The following ADCY4 variants were observed in gnomAD, a reference collection of about 807,000 sequenced individuals.
ADCY4 encodes the protein adenylate cyclase type 4.
In ADCY4, 111 loss-of-function variants were observed where a neutral mutation model predicts 125.5. The ratio of observed to expected loss-of-function variants is 0.88; its 90% confidence interval spans 0.76 to 1.04. The LOEUF (loss-of-function observed/expected upper bound fraction) is 1.04. Among genes scored for constraint, ADCY4 ranks in the 50% least tolerant of loss-of-function variants. The probability of loss-of-function intolerance (pLI) is 0.00; values close to 1 mark genes in which losing one functional copy is unlikely to be tolerated. For synonymous variants in ADCY4, 576 were observed against 586.9 expected (o/e 0.98, Z 0.27); for missense variants, 1,256 against 1,382.9 (o/e 0.91, Z 1.46).
chr14:24,334,112 T>G (rs2042094655), intron 1 of ADCY4, among the ~76,000 whole-genome samples: 1 of 152,212 alleles, frequency 6.6e-6, no homozygotes, highest in African/African-American at 2.4e-5. Context: ...TCTGGGAGTC[T>G]GTGGGTACAA....
At chr14:24,320,629 A>T (rs1295757159) in intron 20 of ADCY4, among the ~76,000 whole-genome samples, 1 of 152,242 alleles carries the variant, frequency 6.6e-6, no homozygotes, top group Non-Finnish European at 1.5e-5. Context: ...GGGCCAGCAG[A>T]TGATACAAAT....
At chr14:24,325,334 C>T (rs373477958) in intron 14 of ADCY4, 43 bp downstream of exon 14, 257 of 1,560,406 alleles carry the variant, frequency 1.6e-4, no homozygotes, top group South Asian at 1.7e-4. Flanking sequence ...CAAGGTGATC[C>T]GCTTATGACA....
rs1785200407 is a variant in ADCY4 at position 24,332,937 on chromosome 14, C to T, written c.211G>A (p.Gly71Ser). The T allele has an allele frequency of 1.3e-6, 2 of 1,593,610 alleles. No individual in the cohort carries two copies. Among genetic ancestry groups the T allele is most frequent in the Non-Finnish European group, 1.7e-6 (2 of 1,168,688 alleles). Residue 71 changes from glycine (G) to serine (S), a missense_variant, in exon 2 of 25, where the codon GGC (glycine) becomes AGC (serine). Transcript: ENST00000418030. Reference protein sequence around the residue: ...FLTTVLCALGGFSLLLGLASR... With the variant: ...FLTTVLCALGSFSLLLGLASR... ...GCGAGGCCCAGCAGCAGCGAGAAGC[C>T]GCCCAGCGCGCACAGCACAGTGGTC...
At position 24,330,026 on chromosome 14, in the gene ADCY4, G is replaced by A. The variant is rs779593020; in HGVS notation, c.1059-8C>T. 6 of 1,608,746 alleles carry A rather than the reference G, an allele frequency of 3.7e-6. No individual in the cohort carries two copies. In the Admixed American group the frequency reaches 1.0e-4, roughly 27 times the overall value. On this transcript the variant is annotated splice_region_variant and splice_polypyrimidine_tract_variant and intron_variant, in intron 7 of 24. Coordinates refer to ENST00000418030, the MANE Select transcript of ADCY4 (RefSeq NM_001198568.2). ...GTGGCTGCCCGCAGTTTCCTGAGCA[G>A]TGTGTGTGTGGGACAATCTGAGTCC...
intron 4 of ADCY4, 36 bp downstream of exon 4, chr14:24,331,752 C>T: frequency 1.3e-6 from 2 of 1,519,376 alleles, no homozygotes; most frequent in Non-Finnish European, 1.8e-6. Context: ...ACTCCTCCCT[C>T]GGAGCGCTGC....
chr14:24,331,892 C>A lies in ADCY4; in HGVS notation c.565G>T (p.Val189Leu). Residue 189 changes from valine (V) to leucine (L), a missense_variant, in exon 4 of 25, where the codon GTG becomes TTG. By Grantham distance (32) the Val-to-Leu change is conservative. Coordinates refer to ENST00000418030, the MANE Select transcript of ADCY4 (RefSeq NM_001198568.2). ...VLFLCGNVAG[V>L]YHKALMERAL... The stretch of plus-strand genomic sequence containing the variant: ...CGCTCCATCAGCGCCTTGTGGTACA[C>A]TCCTGCCACGTTCCCGCACAGGAAC... 1.9e-6 allele frequency: 3 copies of A among 1,589,086 alleles called. No individual in the cohort carries two copies. Among genetic ancestry groups the A allele is most frequent in the Non-Finnish European group, 2.6e-6 (3 of 1,161,310 alleles).
At chr14:24,328,322 CCA>C (rs1470693535) in intron 10 of ADCY4, among the ~76,000 whole-genome samples, 2 of 152,146 alleles carry the variant, frequency 1.3e-5, no homozygotes, top group African/African-American at 4.8e-5. Flanking sequence ...TCAGGCTCAC[CCA>C]CAGTTATCCG....
chr14:24,334,699 G>T lies in ADCY4; in HGVS notation c.-47C>A. On this transcript the variant is annotated 5_prime_UTR_variant, in exon 1 of 25. Transcript: ENST00000418030. ...CGGGGCTGGCTAGGGCCGGGCGCCG[G>T]GTTACCTCCTTCGGCCCGGCGGGCC... 7.0e-7 allele frequency: 1 copy of T among 1,433,030 alleles called. No individual in the cohort carries two copies. The highest frequency in any genetic ancestry group is 9.2e-7 in the Non-Finnish European group (1 of 1,084,824). 88.8% of individuals were successfully genotyped at this position (1,433,030 alleles called of 1,614,324 possible).
chr14:24,329,709 C>T, intron 8 of ADCY4, 151 bp downstream of exon 8: 1 of 1,396,704 alleles, frequency 7.2e-7, no homozygotes, highest in Non-Finnish European at 9.5e-7. Context: ...CCCAGCTCCC[C>T]TCCCTGCACC....
Position 24,319,153 on chromosome 14 carries a change from C to A in ADCY4, c.2901G>T (p.Gly967=). Residue 967 remains glycine, a synonymous_variant, in exon 23 of 25, where the codon GGG becomes GGT. Transcript: ENST00000418030. This position sits in a 1 kb window ranked among gnomAD's most constrained non-coding sequence, Gnocchi z 4.5. ...GCTTGTTGATGACGTCCAGCTTAGA[C>A]CCCAGGGCCACGGCAAATTCCACCA... is the stretch of plus-strand genomic sequence containing the variant. ...GTMVEFAVAL[G]SKLDVINKHS... The A allele has an allele frequency of 6.2e-7, 1 of 1,614,084 alleles. No homozygotes were observed.
Position 24,319,246 on chromosome 14 carries a change from T to TGA in ADCY4, c.2842-36_2842-35dup. On this transcript the variant is annotated intron_variant, in intron 22 of 24. Transcript: ENST00000418030. This position sits in a 1 kb window ranked among gnomAD's most constrained non-coding sequence, Gnocchi z 4.5. ...GGGCCCGCCCACCAGGGTGGGCCAG[T>TGA]GAGGGCACAGGAATAAGTCCCACTA... 2 of 1,613,340 alleles carry TGA rather than the reference T, an allele frequency of 1.2e-6. No homozygotes were observed. The highest frequency in any genetic ancestry group is 1.7e-6 in the Non-Finnish European group (2 of 1,179,388).
chr14:24,327,625 G>A (rs1044262292), intron 10 of ADCY4, among the ~76,000 whole-genome samples: 57 of 152,220 alleles, frequency 3.7e-4, no homozygotes, highest in African/African-American at 1.4e-3. Flanking sequence ...GTGTTGGGGG[G>A]TTGAAGAAGA....
chr14:24,329,304 A>G, intron 9 of ADCY4, 70 bp from the exon 10 acceptor site: 1 of 1,582,842 alleles, frequency 6.3e-7, no homozygotes, highest in Non-Finnish European at 8.6e-7. Context: ...CCCCACTAGG[A>G]CCCAGGAACT....
chr14:24,326,221 A>C, intron 11 of ADCY4, 56 bp from the exon 12 acceptor site: 1 of 1,613,328 alleles, frequency 6.2e-7, no homozygotes, highest in Non-Finnish European at 8.5e-7. Context: ...GTCTGGGCAA[A>C]GCAGGAGCAG....
In ADCY4 at chr14:24,331,317, G is replaced by T. The variant is rs143756412; in HGVS notation, c.709C>A (p.Arg237=). Residue 237 remains arginine, a synonymous_variant, in exon 5 of 25, where the codon CGA becomes AGA. Coordinates refer to ENST00000418030, the MANE Select transcript of ADCY4 (RefSeq NM_001198568.2). The stretch of plus-strand genomic sequence containing the variant: ...GCCATGATCTCTGCCTTCATCTCTC[G>T]GGCCAGGTAGGCAGGAAGGATGGAC... ...LLSILPAYLA[R]EMKAEIMARL... 6.2e-7 allele frequency: 1 copy of T among 1,614,062 alleles called. No individual in the cohort carries two copies. The highest frequency in any genetic ancestry group is 1.7e-5 in the Admixed American group (1 of 60,030).
chr14:24,329,179 C>T lies in ADCY4; in HGVS notation c.1406G>A (p.Gly469Asp), dbSNP rs1199790572. 6 of 1,613,938 alleles carry T rather than the reference C, an allele frequency of 3.7e-6. No individual in the cohort carries two copies. Among genetic ancestry groups the T allele is most frequent in the Non-Finnish European group, 5.1e-6 (6 of 1,179,918 alleles). ...CAGCAGTGATGGACGCATCTTGAGG[C>T]CCTCAAGCGAGGACAGCAAGCCTCC... ...TAGGLLSSLE[G>D]LKMRPSLLMT... The change falls in exon 10 of 25, where the codon GGC becomes GAC. Residue 469 changes from glycine (G) to aspartate (D), a missense_variant. Gly to Asp is a moderately conservative substitution (Grantham distance 94). Coordinates refer to ENST00000418030, the MANE Select transcript of ADCY4 (RefSeq NM_001198568.2).
At chr14:24,333,241 G>T (rs772653477) in intron 1 of ADCY4, among the ~76,000 whole-genome samples, 12 of 152,144 alleles carry the variant, frequency 7.9e-5, no homozygotes, top group Admixed American at 6.5e-4. Context: ...TGTTTTTTGA[G>T]ACAGAGTCTT....
Position 24,325,869 on chromosome 14 carries a change from C to T in ADCY4, c.1674G>A (p.Lys558=). The change falls in exon 13 of 25, where the codon AAG becomes AAA. Residue 558 remains lysine (K), a synonymous_variant. Transcript: ENST00000418030. ...AGTACAGTGTCAGTGGGTTGAAGTC[C>T]TTCGACTGCTTCCACTGTCTGGTGG... ...LNSQKQWKQS[K]DFNPLTLYFR... is the part of the protein sequence containing the mutation. 6.3e-7 allele frequency: 1 copy of T among 1,593,920 alleles called. No individual in the cohort carries two copies. Among genetic ancestry groups the T allele is most frequent in the South Asian group, 1.1e-5 (1 of 88,372 alleles).
intron 16 of ADCY4, 39 bp from the exon 17 acceptor site, chr14:24,323,493 C>T (rs1330635317): frequency 1.3e-6 from 2 of 1,549,850 alleles, no homozygotes; most frequent in Non-Finnish European, 1.7e-6. Flanking sequence ...CAGGTAGCTT[C>T]TTGGGCACAG....
Sources: gnomAD v4.1 joint callset for allele counts (sites outside exome capture counted in the v4.1 genomes callset) on GRCh38, gnomAD v4.1.1 for gene constraint, Gnocchi (gnomAD v3.1) non-coding constraint, MANE v1.5 for transcripts, NCBI Gene and HGNC (gene_info 2026-07-23, HGNC 2026-07-21) for gene names.